SEMA4D: variants seen among roughly 807,000 people sequenced by gnomAD.
The protein encoded by SEMA4D is semaphorin-4D.
A neutral mutation model predicts 74.8 loss-of-function variants in SEMA4D; 22 were observed. The ratio of observed to expected loss-of-function variants is 0.29; its 90% CI spans 0.21 to 0.42. The LOEUF is 0.42. Ranked by LOEUF, SEMA4D falls within the 10% of genes least tolerant of loss-of-function variation. The pLI, the probability that SEMA4D is intolerant of heterozygous loss-of-function variation, is 1.00. For synonymous variants in SEMA4D, 445 were observed against 463.7 expected (o/e 0.96, Z 0.52); for missense variants, 937 against 1,118.4 (o/e 0.84, Z 2.31).
chr9:89,363,926 C>T lies in SEMA4D; in HGVS notation c.1907G>A (p.Trp636Ter), dbSNP rs1833155370. Residue 636 changes from tryptophan to a stop codon, truncating the protein, a stop_gained, in exon 17 of 19, where the codon TGG (tryptophan) becomes TAG (stop). Transcript: ENST00000339861. LOFTEE classifies it high-confidence loss of function. ...CTCCAGAGCTCGCCCATTCTTCTCC[C>T]AGACAAAGCGAATGTCTGCAGGACC... 6.2e-7 allele frequency: 1 copy of T among 1,613,980 alleles called. No individual in the cohort carries two copies. Among genetic ancestry groups the T allele is most frequent in the Non-Finnish European group, 8.5e-7 (1 of 1,180,058 alleles).
At chr9:89,462,963 A>G in intron 1 of SEMA4D, among the ~76,000 whole-genome samples, 1 of 33,120 alleles carries the variant, frequency 3.0e-5, no homozygotes. Flanking sequence ...GGGGGGAGCG[A>G]GCGAGGGGAG....
intron 2 of SEMA4D, among the ~76,000 whole-genome samples, chr9:89,425,980 C>CTG (rs1848004999): frequency 6.6e-6 from 1 of 152,248 alleles, no homozygotes; most frequent in South Asian, 2.1e-4. Flanking sequence ...GTGAAGGCAT[C>CTG]ACAGAATCTG....
chr9:89,496,643 C>T (rs781178055), intron 1 of SEMA4D, among the ~76,000 whole-genome samples: 1 of 152,238 alleles, frequency 6.6e-6, no homozygotes, highest in East Asian at 1.9e-4. Context: ...ACATGATATA[C>T]GCAGACACCA....
At chr9:89,468,442 CAGA>C (rs1386352719) in intron 1 of SEMA4D, among the ~76,000 whole-genome samples, 3 of 152,132 alleles carry the variant, frequency 2.0e-5, no homozygotes, top group African/African-American at 7.2e-5. Context: ...ACAGAGCGTT[CAGA>C]AGGACACACC....
chr9:89,389,924 T>C (rs1839435008), intron 9 of SEMA4D, among the ~76,000 whole-genome samples: 1 of 152,178 alleles, frequency 6.6e-6, no homozygotes, highest in Admixed American at 6.5e-5. Flanking sequence ...AGGGTTCATG[T>C]GTGCCTGCGT....
At chr9:89,474,733 C>A (rs1251630613) in intron 1 of SEMA4D, among the ~76,000 whole-genome samples, 1 of 152,220 alleles carries the variant, frequency 6.6e-6, no homozygotes, top group Non-Finnish European at 1.5e-5. Context: ...AGACATATGT[C>A]CCTCAAAGAA....
intron 1 of SEMA4D, among the ~76,000 whole-genome samples, chr9:89,459,062 C>T (rs1448932374): frequency 6.6e-6 from 1 of 152,230 alleles, no homozygotes; most frequent in Non-Finnish European, 1.5e-5. Flanking sequence ...CACTCACACG[C>T]TGGGGAAAGA....
At chr9:89,373,613 T>G (rs1221029198), downstream of SEMA4D, among the ~76,000 whole-genome samples, 1 of 152,218 alleles carries the variant, frequency 6.6e-6, no homozygotes, top group Non-Finnish European at 1.5e-5. Context: ...AAAGACACTT[T>G]GCTAGCCCTT....
At chr9:89,401,714 C>T (rs889732532) in intron 4 of SEMA4D, among the ~76,000 whole-genome samples, 3 of 152,124 alleles carry the variant, frequency 2.0e-5, no homozygotes, top group African/African-American at 7.2e-5. Flanking sequence ...CTCATTAACT[C>T]ATTATTCTGA....
At chr9:89,374,391 A>G (rs1288788885), downstream of SEMA4D, among the ~76,000 whole-genome samples, 4 of 152,184 alleles carry the variant, frequency 2.6e-5, no homozygotes, top group African/African-American at 9.7e-5. Context: ...GAAGGAAGAA[A>G]CATTTTTGTG....
intron 4 of SEMA4D, among the ~76,000 whole-genome samples, chr9:89,400,053 A>T (rs1311314919): frequency 2.8e-5 from 4 of 142,300 alleles, no homozygotes; most frequent in Admixed American, 7.0e-5. Flanking sequence ...AGTCCAGTTT[A>T]AAAAAAAAAG....
intron 2 of SEMA4D, among the ~76,000 whole-genome samples, chr9:89,406,703 A>T (rs2133802730): frequency 6.6e-6 from 1 of 152,278 alleles, no homozygotes; most frequent in East Asian, 1.9e-4. Flanking sequence ...CACTCAAAAC[A>T]GCAACCTGGG....
chr9:89,386,683 G>A (rs1374081261), intron 12 of SEMA4D: 1 of 507,766 alleles, frequency 2.0e-6, no homozygotes, highest in Non-Finnish European at 3.5e-6. Flanking sequence ...AAGTGTTATG[G>A]GTTATTCCAG....
chr9:89,382,445 C>T (rs1213229806), intron 13 of SEMA4D, among the ~76,000 whole-genome samples: 1 of 151,144 alleles, frequency 6.6e-6, no homozygotes, highest in Non-Finnish European at 1.5e-5. Flanking sequence ...AGATCACAGG[C>T]CCTGATGCCA....
At chr9:89,402,813 G>A in intron 4 of SEMA4D, 58 bp downstream of exon 4, 1 of 1,576,018 alleles carries the variant, frequency 6.3e-7, no homozygotes, top group South Asian at 1.1e-5. Flanking sequence ...AGTGGGGCCA[G>A]GAGAGGCTGC....
chr9:89,394,292 A>C (rs1161228056), intron 6 of SEMA4D, among the ~76,000 whole-genome samples: 1 of 152,200 alleles, frequency 6.6e-6, no homozygotes, highest in Non-Finnish European at 1.5e-5. Context: ...CACAGAGAGA[A>C]CTGGAAAGTT....
At chr9:89,366,340 A>G (rs1029642094) in intron 16 of SEMA4D, among the ~76,000 whole-genome samples, 1 of 152,222 alleles carries the variant, frequency 6.6e-6, no homozygotes, top group African/African-American at 2.4e-5. Context: ...AACTTATAAC[A>G]AACAAGCATT....
intron 1 of SEMA4D, among the ~76,000 whole-genome samples, chr9:89,490,924 A>T (rs957503048): frequency 7.9e-5 from 12 of 152,200 alleles, no homozygotes; most frequent in African/African-American, 2.9e-4. Context: ...CAATAGCATA[A>T]AAGCAGCCAC....
At chr9:89,460,407 C>T (rs1222510183) in intron 1 of SEMA4D, among the ~76,000 whole-genome samples, 1 of 152,274 alleles carries the variant, frequency 6.6e-6, no homozygotes, top group Admixed American at 6.5e-5. Flanking sequence ...CCTACTGTGA[C>T]AGTCCATTCC....
Sources: gnomAD v4.1 joint callset for allele counts (sites outside exome capture counted in the v4.1 genomes callset) on GRCh38, gnomAD v4.1.1 for gene constraint, MANE v1.5 for transcripts, NCBI Gene and HGNC (gene_info 2026-07-23, HGNC 2026-07-21) for gene names.